Variants in CAPN9 observed in about 807,000 individuals in gnomAD.
CAPN9 encodes the protein calpain 9.
Under a neutral mutation model 92.8 loss-of-function variants are expected in CAPN9, and 81 were observed. That is an observed-to-expected ratio of 0.87 (90% CI 0.73 to 1.05). CAPN9 has a LOEUF of 1.05. Ranked by LOEUF, CAPN9 falls within the 50% of genes least tolerant of loss-of-function variation. The pLI is 0.00. For missense variants in CAPN9, 848 were observed against 866.2 expected, an observed-to-expected ratio of 0.98 and a Z score of 0.26; for synonymous variants, 304 against 328.0, an observed-to-expected ratio of 0.93 and a Z score of 0.79.
At position 230,800,301 on chromosome 1, in the gene CAPN9, AGAAAGGAAAAAC is replaced by A. The variant is rs1478764244; in HGVS notation, c.2047-1268_2047-1257del. 3.0e-4 allele frequency among the ~76,000 whole-genome samples: 22 copies of A among 72,994 alleles called. 1 individual carries two copies. The highest frequency in any genetic ancestry group is 1.1e-3 in the African/African-American group (21 of 19,546). 47.9% of individuals were successfully genotyped at this position (72,994 alleles called of 152,430 possible). A position where few individuals can be genotyped will look rare whatever the true frequency, so the allele number is the denominator to read the frequency against. The stretch of plus-strand genomic sequence containing the variant: ...AAGAAAGAAAGAAAGAAAGAAAGAA[AGAAAGGAAAAAC>A]AAGAGAGACCCCTAGGTCCACCTTT... On this transcript the variant is annotated intron_variant, in intron 19 of 19. Coordinates refer to ENST00000271971, the MANE Select transcript of CAPN9 (RefSeq NM_006615.3).
At chr1:230,749,785 C>T (rs547869029) in intron 1 of CAPN9, among the ~76,000 whole-genome samples, 71 of 152,126 alleles carry the variant, frequency 4.7e-4, no homozygotes, top group Non-Finnish European at 9.1e-4. Context: ...TAGCAAAGAG[C>T]CTGGTGTGTA....
At position 230,779,099 on chromosome 1, in the gene CAPN9, C is replaced by CGGCTCCA. The variant is rs1558104796; in HGVS notation, c.1081_1087dup (p.Thr363ArgfsTer26). On this transcript the variant is annotated frameshift_variant, in exon 9 of 20. Coordinates refer to ENST00000271971, the MANE Select transcript of CAPN9 (RefSeq NM_006615.3). LOFTEE classifies it high-confidence loss of function. ...CGGTCCATCAGGGAAGCTGGGTTCG[C>CGGCTCCA]GGCTCCACGGCTGGGGGCTGCCGCA... 1 of 1,612,816 alleles carries CGGCTCCA rather than the reference C, an allele frequency of 6.2e-7. No homozygotes were observed. Among genetic ancestry groups the CGGCTCCA allele is most frequent in the South Asian group, 1.1e-5 (1 of 91,010 alleles).
At chr1:230,759,417 C>A (rs962757296) in intron 2 of CAPN9, 95 bp from the exon 3 acceptor site, 14 of 813,062 alleles carry the variant, frequency 1.7e-5, no homozygotes, top group Non-Finnish European at 2.8e-5. Context: ...GATGTGGCCA[C>A]ATCTGAAACT....
In CAPN9 at chr1:230,795,180, C is replaced by T; in HGVS notation, c.1888C>T (p.His630Tyr). ...LKAAGFQLSS[H>Y]LLQLIVLRYA... is the part of the protein sequence containing the mutation. ...CCCCACAGGCTTTCAGCTGAGCAGC[C>T]ACCTCCTGCAGCTGATTGTGCTCAG... is the stretch of plus-strand genomic sequence containing the variant. Residue 630 changes from histidine (H) to tyrosine (Y), a missense_variant, in exon 18 of 20, where the codon CAC (histidine) becomes TAC (tyrosine). His to Tyr is a moderately conservative substitution (Grantham distance 83). Coordinates refer to ENST00000271971, the MANE Select transcript of CAPN9 (RefSeq NM_006615.3). The T allele has an allele frequency of 1.9e-6, 3 of 1,611,458 alleles. No homozygotes were observed. The highest frequency in any genetic ancestry group is 2.5e-6 in the Non-Finnish European group (3 of 1,178,066).
chr1:230,779,267 G>T, intron 9 of CAPN9, 134 bp downstream of exon 9: 1 of 780,370 alleles, frequency 1.3e-6, no homozygotes, highest in Non-Finnish European at 2.0e-6. Context: ...GGGGAAAAAA[G>T]GCTGCAAAGA....
At chr1:230,769,618 TATCTATC>T (rs1461389992) in intron 6 of CAPN9, among the ~76,000 whole-genome samples, 156 of 5,460 alleles carry the variant, frequency 0.029, 1 homozygote, top group Admixed American at 0.043. Flanking sequence ...CACACACACC[TATCTATC>T]TATCTATCTA....
In CAPN9 at chr1:230,792,476, C is replaced by G. The variant is rs759144753; in HGVS notation, c.1773C>G (p.Asp591Glu). The G allele has an allele frequency of 6.2e-7, 1 of 1,613,954 alleles. No homozygotes were observed. The highest frequency in any genetic ancestry group is 8.5e-7 in the Non-Finnish European group (1 of 1,179,804). ...LEFDEFKVFW[D>E]KLKQWINLFL... ...TTGATGAATTCAAAGTGTTCTGGGA[C>G]AAGCTGAAGCAGTGGATTGTATGTA... Residue 591 changes from aspartate to glutamate, a missense_variant, in exon 16 of 20, where the codon GAC becomes GAG. Coordinates refer to ENST00000271971, the MANE Select transcript of CAPN9 (RefSeq NM_006615.3).
intron 1 of CAPN9, chr1:230,752,578 C>T (rs1328176095): frequency 1.6e-6 from 1 of 622,998 alleles, no homozygotes; most frequent in Non-Finnish European, 2.0e-6. Context: ...CGGGGCCAGG[C>T]CTGCAGAAGG....
chr1:230,792,331 A>G, intron 15 of CAPN9, 95 bp from the exon 16 acceptor site: 1 of 1,028,106 alleles, frequency 9.7e-7, no homozygotes, highest in East Asian at 2.4e-5. Flanking sequence ...AGGCCAGCCC[A>G]TCGGCCCTCC....
At chr1:230,754,675 C>A (rs1046635064) in intron 1 of CAPN9, among the ~76,000 whole-genome samples, 1 of 149,550 alleles carries the variant, frequency 6.7e-6, no homozygotes, top group Non-Finnish European at 1.5e-5. Context: ...AGTGGCTGGG[C>A]GTGGTGACTC....
At chr1:230,768,583 CAGAT>C (rs970256611) in intron 5 of CAPN9, among the ~76,000 whole-genome samples, 5 of 150,414 alleles carry the variant, frequency 3.3e-5, no homozygotes, top group African/African-American at 7.4e-5. Context: ...AAAAAAATAG[CAGAT>C]AGAAGTCTAA....
At chr1:230,756,764 C>T (rs531581068) in intron 2 of CAPN9, among the ~76,000 whole-genome samples, 39 of 152,000 alleles carry the variant, frequency 2.6e-4, no homozygotes, top group African/African-American at 8.2e-4. Context: ...AGTGAGGGCT[C>T]GCCTCTACTA....
intron 5 of CAPN9, among the ~76,000 whole-genome samples, chr1:230,768,715 A>T (rs1022088461): frequency 1.3e-5 from 2 of 151,716 alleles, no homozygotes; most frequent in African/African-American, 4.8e-5. Flanking sequence ...TATTTTTTTT[A>T]ATCAATTCTA....
At chr1:230,770,939 T>C (rs1666351257) in intron 6 of CAPN9, among the ~76,000 whole-genome samples, 1 of 152,196 alleles carries the variant, frequency 6.6e-6, no homozygotes, top group South Asian at 2.1e-4. Flanking sequence ...CGTTGGACTC[T>C]TTGGGATTCT....
At chr1:230,800,443 T>G (rs1011601297) in intron 19 of CAPN9, among the ~76,000 whole-genome samples, 1 of 152,060 alleles carries the variant, frequency 6.6e-6, no homozygotes, top group Non-Finnish European at 1.5e-5. Flanking sequence ...GTGGGAAGGT[T>G]TGTTACTCAG....
intron 1 of CAPN9, chr1:230,752,812 G>C (rs1664933198): frequency 1.8e-6 from 1 of 543,944 alleles, no homozygotes; most frequent in Non-Finnish European, 2.3e-6. Context: ...GGGGACTCCT[G>C]GGTTTCCCTT....
intron 2 of CAPN9, among the ~76,000 whole-genome samples, chr1:230,758,421 T>C (rs1665396167): frequency 6.6e-6 from 1 of 152,114 alleles, no homozygotes; most frequent in African/African-American, 2.4e-5. Context: ...TAGTAGCATC[T>C]CCCAAAGCTG....
chr1:230,788,437 G>A (rs1350242888), intron 13 of CAPN9, among the ~76,000 whole-genome samples: 1 of 152,140 alleles, frequency 6.6e-6, no homozygotes, highest in Non-Finnish European at 1.5e-5. Context: ...CTGCCCCAGA[G>A]GTGCTCTCTT....
chr1:230,787,508 T>C lies in CAPN9; in HGVS notation c.1519-14T>C. On this transcript the variant is annotated splice_polypyrimidine_tract_variant and intron_variant, in intron 12 of 19. Coordinates refer to ENST00000271971, the MANE Select transcript of CAPN9 (RefSeq NM_006615.3). Reference sequence around the variant, plus strand: ...GTGGATCATTTTGTGCAAGTTTCTTTGGCTGTTTTTTAGCCTCCAAAGCCA... The same window carrying C: ...GTGGATCATTTTGTGCAAGTTTCTTCGGCTGTTTTTTAGCCTCCAAAGCCA... The C allele has an allele frequency of 2.5e-6, 4 of 1,610,368 alleles. No individual in the cohort carries two copies. The highest frequency in any genetic ancestry group is 3.4e-6 in the Non-Finnish European group (4 of 1,176,760).
Sources: gnomAD v4.1 joint callset for allele counts (sites outside exome capture counted in the v4.1 genomes callset) on GRCh38, gnomAD v4.1.1 for gene constraint, MANE v1.5 for transcripts, NCBI Gene and HGNC (gene_info 2026-07-23, HGNC 2026-07-21) for gene names.